The following SNX29 variants were observed in gnomAD, a reference collection of about 807,000 sequenced individuals.
SNX29 encodes sorting nexin-29.
A neutral mutation model predicts 102.1 loss-of-function variants in SNX29; 78 were observed. The observed-to-expected ratio is 0.76, with a 90% CI of 0.64 to 0.92. The LOEUF (loss-of-function observed/expected upper bound fraction) is 0.92. Ranked by LOEUF, SNX29 falls within the 40% of genes least tolerant of loss-of-function variation. The pLI is 0.00. For synonymous variants in SNX29, 580 were observed against 414.5 expected (o/e 1.40, Z -4.85); for missense variants, 1,280 against 1,061.7 (o/e 1.21, Z -2.86).
intron 20 of SNX29, among the ~76,000 whole-genome samples, chr16:12,546,098 G>A (rs1453332540): frequency 2.0e-5 from 3 of 152,180 alleles, no homozygotes; most frequent in Non-Finnish European, 4.4e-5. Context: ...ACTTCACTGT[G>A]TGACTTTGGA....
rs78092975 is a variant in SNX29, at chr16:12,533,664, A to C, written c.2318+8823A>C. ...CTTGGTTCTGTGATCTTCCAGCATC[A>C]ATAGGCACCCCAAATTTACCTCTGT... On this transcript the variant is annotated intron_variant, in intron 20 of 20. Coordinates refer to ENST00000566228, the MANE Select transcript of SNX29 (RefSeq NM_032167.5). 4.8e-3 allele frequency among the ~76,000 whole-genome samples: 724 copies of C among 152,296 alleles called. 12 individuals are homozygous for C. Among genetic ancestry groups the C allele is most frequent in the East Asian group, 0.022 (115 of 5,176 alleles).
intron 19 of SNX29, among the ~76,000 whole-genome samples, chr16:12,509,303 C>T (rs767426035): frequency 2.0e-5 from 3 of 152,216 alleles, no homozygotes; most frequent in Non-Finnish European, 4.4e-5. Flanking sequence ...GGCATGCCAT[C>T]TGTCAGCCCA....
At chr16:12,195,193 C>G (rs1056796919) in intron 13 of SNX29, among the ~76,000 whole-genome samples, 25 of 151,968 alleles carry the variant, frequency 1.6e-4, no homozygotes, top group African/African-American at 6.0e-4. Flanking sequence ...AATATTCATC[C>G]CTGGGGATAA....
In SNX29 at chr16:12,310,100, A is replaced by ACG. The variant is rs560002376; in HGVS notation, c.1782+32064_1782+32065insCG. Among the ~76,000 whole-genome samples the ACG allele has an allele frequency of 4.9e-4, 71 of 144,744 alleles. 1 individual carries two copies. In the East Asian group the frequency reaches 0.011, roughly 21 times the overall value. 95.0% of individuals were successfully genotyped at this position (144,744 alleles called of 152,430 possible). A position where few individuals can be genotyped will look rare whatever the true frequency, so the allele number is the denominator to read the frequency against. On this transcript the variant is annotated intron_variant, in intron 15 of 20. Coordinates refer to ENST00000566228, the MANE Select transcript of SNX29 (RefSeq NM_032167.5). ...TACACATGTGCACACATGCACACAC[A>ACG]TGCACACATACACGTGCACGCACAC...
chr16:12,405,763 G>C (rs1001614497), intron 18 of SNX29, among the ~76,000 whole-genome samples: 1 of 152,208 alleles, frequency 6.6e-6, no homozygotes, highest in African/African-American at 2.4e-5. Context: ...GCCAAGCATG[G>C]TGGCTCACGC....
intron 14 of SNX29, among the ~76,000 whole-genome samples, chr16:12,221,257 C>T (rs916397614): frequency 1.3e-5 from 2 of 152,084 alleles, no homozygotes; most frequent in South Asian, 2.1e-4. Context: ...GGCAGAAAGC[C>T]GGGGGTCACT....
intron 13 of SNX29, among the ~76,000 whole-genome samples, chr16:12,151,258 A>G (rs898965345): frequency 2.6e-5 from 4 of 152,108 alleles, no homozygotes; most frequent in Admixed American, 2.0e-4. Flanking sequence ...ATACTTGCTT[A>G]TATATGAATC....
intron 7 of SNX29, among the ~76,000 whole-genome samples, chr16:12,051,122 G>C (rs1020918082): frequency 1.3e-5 from 2 of 152,146 alleles, no homozygotes; most frequent in Non-Finnish European, 2.9e-5. Context: ...GAGGCCAGGA[G>C]TTTTGAGACT....
intron 2 of SNX29, among the ~76,000 whole-genome samples, chr16:12,002,737 A>G (rs575462348): frequency 6.6e-6 from 1 of 152,282 alleles, no homozygotes; most frequent in Non-Finnish European, 1.5e-5. Context: ...TTCTGTTAGC[A>G]ATGTTTTCCC....
intron 4 of SNX29, among the ~76,000 whole-genome samples, chr16:12,040,963 G>A (rs1242823131): frequency 2.6e-5 from 4 of 152,028 alleles, no homozygotes; most frequent in Non-Finnish European, 5.9e-5. Context: ...ACAGGCGTGC[G>A]CCACCACACC....
At chr16:12,551,455 A>G (rs2077971384) in intron 20 of SNX29, among the ~76,000 whole-genome samples, 1 of 152,204 alleles carries the variant, frequency 6.6e-6, no homozygotes, top group Non-Finnish European at 1.5e-5. Context: ...GCTTTTAAAA[A>G]TACAGAGGCC....
chr16:12,035,649 TG>T (rs2057453116), intron 4 of SNX29, among the ~76,000 whole-genome samples: 1 of 152,202 alleles, frequency 6.6e-6, no homozygotes, highest in Non-Finnish European at 1.5e-5. Flanking sequence ...GGTTTACCTT[TG>T]TTCCTGGCAT....
chr16:12,225,457 G>A (rs749674135), intron 14 of SNX29, among the ~76,000 whole-genome samples: 21 of 152,110 alleles, frequency 1.4e-4, no homozygotes, highest in Non-Finnish European at 2.1e-4. Flanking sequence ...CTTTAAAAAC[G>A]GGACTTTCCC....
At chr16:12,565,791 C>A (rs1032176245) in intron 20 of SNX29, among the ~76,000 whole-genome samples, 4 of 152,214 alleles carry the variant, frequency 2.6e-5, no homozygotes, top group African/African-American at 9.6e-5. Context: ...TCTAGAGGGC[C>A]CTTTACACAG....
chr16:12,305,502 G>T (rs2080311029), intron 15 of SNX29, among the ~76,000 whole-genome samples: 1 of 152,182 alleles, frequency 6.6e-6, no homozygotes, highest in African/African-American at 2.4e-5. Flanking sequence ...GAAGGAGCAG[G>T]AGTGTGGAGC....
chr16:12,554,379 TGTGCCCC>T (rs1236339441), intron 20 of SNX29, among the ~76,000 whole-genome samples: 3 of 88,784 alleles, frequency 3.4e-5, no homozygotes, highest in Non-Finnish European at 5.4e-5. Flanking sequence ...AAGGTGTTTC[TGTGCCCC>T]GTGCATGGGT....
intron 16 of SNX29, among the ~76,000 whole-genome samples, chr16:12,396,426 G>A (rs1424437621): frequency 1.3e-5 from 2 of 152,176 alleles, no homozygotes; most frequent in Non-Finnish European, 2.9e-5. Flanking sequence ...GGTGGCGATT[G>A]TGTGTAGCAG....
chr16:12,257,103 T>G (rs796648109), intron 14 of SNX29, among the ~76,000 whole-genome samples: 3 of 152,318 alleles, frequency 2.0e-5, no homozygotes, highest in African/African-American at 7.2e-5. Context: ...ATTCCGTTGT[T>G]GACAGAATCC....
At chr16:12,050,132 C>A (rs1176544682) in intron 7 of SNX29, among the ~76,000 whole-genome samples, 3 of 152,182 alleles carry the variant, frequency 2.0e-5, no homozygotes. Context: ...CTTTGTGTAA[C>A]AGACACTGAA....
Sources: gnomAD v4.1 joint callset for allele counts (sites outside exome capture counted in the v4.1 genomes callset) on GRCh38, gnomAD v4.1.1 for gene constraint, MANE v1.5 for transcripts, NCBI Gene and HGNC (gene_info 2026-07-23, HGNC 2026-07-21) for gene names.